ZDHHC14: variants seen among roughly 807,000 people sequenced by gnomAD.
ZDHHC14 encodes palmitoyltransferase ZDHHC14.
In ZDHHC14, 16 loss-of-function variants were observed where a neutral mutation model predicts 47.7. The ratio of observed to expected loss-of-function variants is 0.34; its 90% CI spans 0.23 to 0.51. ZDHHC14 has a LOEUF of 0.51. ZDHHC14 is among the 20% of genes least tolerant of loss of function. ZDHHC14 has a pLI of 0.97. For synonymous variants in ZDHHC14, 293 were observed against 278.9 expected, an observed-to-expected ratio of 1.05 and a Z score of -0.50; for missense variants, 515 against 662.5, an observed-to-expected ratio of 0.78 and a Z score of 2.44.
rs183232349 is a variant in ZDHHC14, at chr6:157,518,051, A to G, written c.246-24534A>G. 3.1e-3 allele frequency among the ~76,000 whole-genome samples: 471 copies of G among 151,960 alleles called. 2 individuals are homozygous for G. Among genetic ancestry groups the G allele is most frequent in the African/African-American group, 9.9e-3 (409 of 41,432 alleles). On this transcript the variant is annotated intron_variant, in intron 1 of 8. Coordinates refer to ENST00000359775, the MANE Select transcript of ZDHHC14 (RefSeq NM_024630.3). ...GCTGGAGGAGGGTGGGGGGCTGGCC[A>G]CCCTGTTGGCATCTTAGCACCCAGC...
chr6:157,589,182 G>A (rs2114885967), intron 2 of ZDHHC14, among the ~76,000 whole-genome samples: 1 of 152,258 alleles, frequency 6.6e-6, no homozygotes, highest in East Asian at 1.9e-4. Flanking sequence ...GCAGGAGGAA[G>A]AGGGTGCAAG....
chr6:157,672,692 C>T (rs1252475371), intron 8 of ZDHHC14, 32 bp from the exon 9 acceptor site: 4 of 1,598,280 alleles, frequency 2.5e-6, no homozygotes, highest in Non-Finnish European at 3.4e-6. Context: ...CTCCTCTCCA[C>T]CTTCTCTTTG....
chr6:157,643,944 T>A (rs1777388454), intron 5 of ZDHHC14, among the ~76,000 whole-genome samples: 2 of 152,094 alleles, frequency 1.3e-5, no homozygotes, highest in Admixed American at 6.6e-5. Flanking sequence ...TGGTTCTTCA[T>A]GTATTATTCA....
rs1778993388 is a variant in ZDHHC14, at chr6:157,677,787, G to C, written c.*4665G>C. 1 of 151,668 alleles carries C rather than the reference G, an allele frequency of 6.6e-6. No homozygotes were observed. The highest frequency in any genetic ancestry group is 2.4e-5 in the African/African-American group (1 of 41,238). 9.4% of individuals were successfully genotyped at this position (151,668 alleles called of 1,614,324 possible). A position where few individuals can be genotyped will look rare whatever the true frequency, so the allele number is the denominator to read the frequency against. On this transcript the variant is annotated 3_prime_UTR_variant, in exon 9 of 9. Coordinates refer to ENST00000359775, the MANE Select transcript of ZDHHC14 (RefSeq NM_024630.3). ...GCCTGGTGAAACCGAGAGGCCACATGGCATGTCCAAGGAGACATGCTTTCT... is the reference window on the plus strand; with the variant it reads ...GCCTGGTGAAACCGAGAGGCCACATCGCATGTCCAAGGAGACATGCTTTCT...
chr6:157,642,778 T>G (rs536349387), intron 5 of ZDHHC14, among the ~76,000 whole-genome samples: 6 of 152,354 alleles, frequency 3.9e-5, no homozygotes, highest in Non-Finnish European at 5.9e-5. Flanking sequence ...CTTGACCTTA[T>G]TATGGCATAG....
intron 1 of ZDHHC14, among the ~76,000 whole-genome samples, chr6:157,510,458 T>C (rs1040970978): frequency 6.6e-6 from 1 of 152,164 alleles, no homozygotes; most frequent in African/African-American, 2.4e-5. Flanking sequence ...GGTGTGGTCT[T>C]GGGTGAACTT....
At chr6:157,414,530 A>C (rs1459581657) in intron 1 of ZDHHC14, among the ~76,000 whole-genome samples, 2 of 152,182 alleles carry the variant, frequency 1.3e-5, no homozygotes. Flanking sequence ...TTGTAGTCTG[A>C]AGTTTCCAAG....
chr6:157,444,713 C>G (rs1023035826), intron 1 of ZDHHC14, among the ~76,000 whole-genome samples: 1 of 151,790 alleles, frequency 6.6e-6, no homozygotes, highest in South Asian at 2.1e-4. Context: ...GCCCCTACAT[C>G]CAGGAAAGTC....
At chr6:157,413,498 A>G (rs1372224751) in intron 1 of ZDHHC14, among the ~76,000 whole-genome samples, 2 of 152,114 alleles carry the variant, frequency 1.3e-5, no homozygotes, top group Non-Finnish European at 2.9e-5. Flanking sequence ...TCATAGTTTT[A>G]AAATTACCTG....
intron 1 of ZDHHC14, among the ~76,000 whole-genome samples, chr6:157,434,699 G>A (rs1778405425): frequency 6.6e-6 from 1 of 152,146 alleles, no homozygotes; most frequent in Non-Finnish European, 1.5e-5. Context: ...GTGTGGTTGG[G>A]CCACCTGAAG....
At chr6:157,490,572 G>T (rs1779890551) in intron 1 of ZDHHC14, among the ~76,000 whole-genome samples, 1 of 152,220 alleles carries the variant, frequency 6.6e-6, no homozygotes, top group African/African-American at 2.4e-5. Context: ...AACATGAATT[G>T]TGTATGAGAT....
chr6:157,538,914 T>C (rs1781644048), intron 1 of ZDHHC14, among the ~76,000 whole-genome samples: 2 of 151,992 alleles, frequency 1.3e-5, no homozygotes, highest in Admixed American at 6.5e-5. Flanking sequence ...GGTGTGGCCA[T>C]TGCTGGGATT....
rs548623336 is a variant in ZDHHC14 at position 157,571,776 on chromosome 6, A to ATTTTTTT, written c.407-21197_407-21191dup. On this transcript the variant is annotated intron_variant, in intron 2 of 8. Transcript: ENST00000359775. ...GAATCTTCAGGAATGAGGAATCTGT[A>ATTTTTTT]TTTTTTTTTTTTTTTTTTTTTGAGC... is the stretch of plus-strand genomic sequence containing the variant. 6.5e-5 allele frequency among the ~76,000 whole-genome samples: 8 copies of ATTTTTTT among 122,518 alleles called. 1 individual carries two copies. Among genetic ancestry groups the ATTTTTTT allele is most frequent in the African/African-American group, 1.6e-4 (5 of 31,926 alleles). 80.4% of individuals were successfully genotyped at this position (122,518 alleles called of 152,430 possible).
In ZDHHC14 at chr6:157,672,912, C is replaced by G. The variant is rs757026843; in HGVS notation, c.1257C>G (p.Ala419=). The change falls in exon 9 of 9, where the codon GCC becomes GCG. Residue 419 remains alanine (A), a synonymous_variant. Coordinates refer to ENST00000359775, the MANE Select transcript of ZDHHC14 (RefSeq NM_024630.3). ...CGCCCGCCTCCATGCCCAACCTCGC[C>G]GAGGCCACGCTCGCGGACGTGATGC... The part of the protein sequence containing the change: ...PTPPASMPNL[A]EATLADVMPR... 5 of 1,604,492 alleles carry G rather than the reference C, an allele frequency of 3.1e-6. 1 individual carries two copies. The South Asian group carries it at 5.5e-5, about 18-fold the overall frequency.
chr6:157,618,592 G>C (rs1340512203), intron 3 of ZDHHC14, among the ~76,000 whole-genome samples: 1 of 152,136 alleles, frequency 6.6e-6, no homozygotes, highest in East Asian at 1.9e-4. Flanking sequence ...AAAGTGCTGG[G>C]ATTACAGGCA....
chr6:157,400,267 C>A (rs1224336883), intron 1 of ZDHHC14, among the ~76,000 whole-genome samples: 1 of 152,198 alleles, frequency 6.6e-6, no homozygotes, highest in Non-Finnish European at 1.5e-5. Context: ...GACCCTCTCC[C>A]TGTGTGAGAA....
At chr6:157,395,040 A>G (rs756358862) in intron 1 of ZDHHC14, among the ~76,000 whole-genome samples, 4 of 150,304 alleles carry the variant, frequency 2.7e-5, no homozygotes, top group Non-Finnish European at 5.9e-5. Flanking sequence ...GCTTGGCAGA[A>G]GCGGCCCTTC....
At chr6:157,615,390 A>G (rs1217966697) in intron 3 of ZDHHC14, among the ~76,000 whole-genome samples, 2 of 152,208 alleles carry the variant, frequency 1.3e-5, no homozygotes, top group African/African-American at 4.8e-5. Flanking sequence ...TTCTGGGCCT[A>G]GGCTGGGTCT....
intron 1 of ZDHHC14, among the ~76,000 whole-genome samples, chr6:157,522,986 CTTTT>C (rs1781003310): frequency 3.8e-5 from 1 of 26,080 alleles, no homozygotes; most frequent in African/African-American, 2.2e-4. Flanking sequence ...TTTTCTTTTT[CTTTT>C]CTTTTCTTTT....
Sources: gnomAD v4.1 joint callset for allele counts (sites outside exome capture counted in the v4.1 genomes callset) on GRCh38, gnomAD v4.1.1 for gene constraint, MANE v1.5 for transcripts, NCBI Gene and HGNC (gene_info 2026-07-23, HGNC 2026-07-21) for gene names.